The following ATF7IP variants were observed in gnomAD, a reference collection of about 807,000 sequenced individuals.
The protein encoded by ATF7IP is activating transcription factor 7 interacting protein, also known as activating transcription factor 7-interacting protein 1.
A neutral mutation model predicts 106.4 loss-of-function variants in ATF7IP; 23 were observed. The observed-to-expected ratio is 0.22, with a 90% CI of 0.16 to 0.31. The LOEUF (loss-of-function observed/expected upper bound fraction) is 0.31. ATF7IP is among the 10% of genes least tolerant of loss of function. ATF7IP has a pLI of 1.00. For missense variants in ATF7IP, 1,334 were observed against 1,524.3 expected (o/e 0.88, Z 2.08); for synonymous variants, 542 against 539.0 (o/e 1.01, Z -0.08).
intron 1 of ATF7IP, among the ~76,000 whole-genome samples, chr12:14,377,859 C>G (rs951661402): frequency 1.3e-5 from 2 of 151,166 alleles, no homozygotes; most frequent in African/African-American, 4.9e-5. Flanking sequence ...AGAGGATCAC[C>G]TCAGGTGATC....
chr12:14,447,012 C>T lies in ATF7IP; in HGVS notation c.1954C>T (p.Arg652Cys), dbSNP rs557269876. 4.0e-6 allele frequency: 6 copies of T among 1,511,260 alleles called. No homozygotes were observed. Among genetic ancestry groups the T allele is most frequent in the South Asian group, 1.3e-5 (1 of 78,654 alleles). The allele number at this position is 1,511,260 out of a possible 1,614,324, so 93.6% of individuals were successfully genotyped here. ...LQAKIARLTK[R>C]FEAAKEDLKK... ...GGCCAAGATAGCCAGGTTAACCAAA[C>T]GCTTTGAAGCAGCCAAAGAAGATCT... Residue 652 changes from arginine to cysteine, a missense_variant, in exon 6 of 15, where the codon CGC becomes TGC. Physicochemically the swap from Arg to Cys is radical, Grantham distance 180. This residue lies in a region of ATF7IP where 171 missense variants were observed against 172.6 expected (regional missense o/e 0.99). Coordinates refer to ENST00000261168, the MANE Select transcript of ATF7IP (RefSeq NM_018179.5).
chr12:14,484,121 C>T (rs190910976), intron 13 of ATF7IP, among the ~76,000 whole-genome samples: 4 of 152,232 alleles, frequency 2.6e-5, no homozygotes, highest in Admixed American at 6.5e-5. Flanking sequence ...CGAGGAATGG[C>T]GTGCTGTATC....
At chr12:14,410,344 A>C (rs1565488564) in intron 1 of ATF7IP, among the ~76,000 whole-genome samples, 1 of 152,146 alleles carries the variant, frequency 6.6e-6, no homozygotes, top group Non-Finnish European at 1.5e-5. Context: ...CCTACGTAGG[A>C]TATGAACCAT....
intron 2 of ATF7IP, among the ~76,000 whole-genome samples, chr12:14,430,785 T>C (rs1942078480): frequency 6.6e-6 from 1 of 152,220 alleles, no homozygotes; most frequent in Non-Finnish European, 1.5e-5. Context: ...TAAAGTTTTA[T>C]TTACATAAAC....
At chr12:14,440,968 T>C (rs7310929) in intron 5 of ATF7IP, among the ~76,000 whole-genome samples, 42,647 of 152,210 alleles carry the variant, frequency 0.28, 7,437 homozygotes, top group Admixed American at 0.44. Flanking sequence ...ACATTTTGCT[T>C]ATACGTTCAT....
chr12:14,402,419 T>C (rs1050585447), intron 1 of ATF7IP, among the ~76,000 whole-genome samples: 22 of 152,126 alleles, frequency 1.4e-4, no homozygotes, highest in Non-Finnish European at 2.8e-4. Context: ...TAAGCCACCA[T>C]GCCTGGCTAT....
chr12:14,435,827 A>T (rs1051381042), intron 3 of ATF7IP, among the ~76,000 whole-genome samples: 11 of 152,240 alleles, frequency 7.2e-5, no homozygotes, highest in Non-Finnish European at 1.3e-4. Flanking sequence ...TCTTCATGAC[A>T]CAATTGTGAG....
At chr12:14,419,944 A>C (rs1009511370) in intron 1 of ATF7IP, 1 of 152,260 alleles carries the variant, frequency 6.6e-6, no homozygotes, top group Non-Finnish European at 1.5e-5. Flanking sequence ...AATGTATCAC[A>C]GTCTAGAAAT....
Position 14,494,333 on chromosome 12 carries a change from A to ATGTGTGTG in ATF7IP, c.3281-1894_3281-1887dup, listed in dbSNP as rs1210425478. Reference sequence around the variant, plus strand: ...TATATATATATATATATATATATATATGTGTGTGTGTATATGTATATATAC... The same window carrying ATGTGTGTG: ...TATATATATATATATATATATATATATGTGTGTGTGTGTGTGTGTATATGTATATATAC... On this transcript the variant is annotated intron_variant, in intron 13 of 14. Coordinates refer to ENST00000261168, the MANE Select transcript of ATF7IP (RefSeq NM_018179.5). Among the ~76,000 whole-genome samples, 460 of 85,882 alleles carry ATGTGTGTG rather than the reference A, an allele frequency of 5.4e-3. 13 individuals are homozygous for ATGTGTGTG. The highest frequency in any genetic ancestry group is 0.015 in the African/African-American group (338 of 21,956). 56.3% of individuals were successfully genotyped at this position (85,882 alleles called of 152,430 possible).
Position 14,428,139 on chromosome 12 carries a change from T to TA in ATF7IP, c.1558+2677dup, listed in dbSNP as rs59596421. Among the ~76,000 whole-genome samples, 489 of 146,400 alleles carry TA rather than the reference T, an allele frequency of 3.3e-3. 2 individuals are homozygous for TA. Among genetic ancestry groups the TA allele is most frequent in the African/African-American group, 0.01 (408 of 40,150 alleles). On this transcript the variant is annotated intron_variant, in intron 2 of 14. Coordinates refer to ENST00000261168, the MANE Select transcript of ATF7IP (RefSeq NM_018179.5). Reference sequence around the variant, plus strand: ...CCATAAAAAAGCCTTATAAGTCCTTTAAAAAAAAAAAGTCTGTATAAGAAA... The same window carrying TA: ...CCATAAAAAAGCCTTATAAGTCCTTTAAAAAAAAAAAAGTCTGTATAAGAAA...
chr12:14,393,282 C>CAAT (rs1939670371), intron 1 of ATF7IP, among the ~76,000 whole-genome samples: 1 of 152,070 alleles, frequency 6.6e-6, no homozygotes, highest in Non-Finnish European at 1.5e-5. Context: ...CTTCTAGATT[C>CAAT]TGTTCTCAAT....
chr12:14,440,593 CTT>C (rs915984090), intron 5 of ATF7IP, among the ~76,000 whole-genome samples: 3 of 151,942 alleles, frequency 2.0e-5, no homozygotes, highest in African/African-American at 7.2e-5. Context: ...CTCTTTGTGT[CTT>C]GTTCCAGTAT....
chr12:14,384,222 A>G (rs1939117660), intron 1 of ATF7IP, among the ~76,000 whole-genome samples: 1 of 152,170 alleles, frequency 6.6e-6, no homozygotes, highest in Non-Finnish European at 1.5e-5. Context: ...AGTGATAGAT[A>G]GAACAAGATA....
rs564637046 is a variant in ATF7IP at position 14,424,870 on chromosome 12, A to G, written c.955A>G (p.Lys319Glu). 97 of 1,611,244 alleles carry G rather than the reference A, an allele frequency of 6.0e-5. No homozygotes were observed. In the South Asian group the frequency reaches 9.3e-4, roughly 15 times the overall value. The change falls in exon 2 of 15, where the codon AAA becomes GAA. Residue 319 changes from lysine (K) to glutamate (E), a missense_variant. By Grantham distance (56) the Lys-to-Glu change is moderately conservative. Transcript: ENST00000261168. ...CAATAAAGATGATGATTTTCTTGAA[A>G]AAAATGGAGCTGATGAAAAATTAGA... is the stretch of plus-strand genomic sequence containing the variant. ...SSNKDDDFLE[K>E]NGADEKLEQI... is the part of the protein sequence containing the mutation.
intron 1 of ATF7IP, chr12:14,385,479 GA>G: frequency 2.3e-6 from 3 of 1,325,400 alleles, no homozygotes; most frequent in South Asian, 2.7e-5. Context: ...AGTTTACTTA[GA>G]GGGGTGAACT....
At chr12:14,485,130 T>C (rs1401953701) in intron 13 of ATF7IP, among the ~76,000 whole-genome samples, 1 of 152,116 alleles carries the variant, frequency 6.6e-6, no homozygotes. Context: ...TTGAATCTGC[T>C]GGGTCCTATG....
intron 10 of ATF7IP, among the ~76,000 whole-genome samples, chr12:14,470,698 T>C (rs1944009031): frequency 6.6e-6 from 1 of 152,234 alleles, no homozygotes; most frequent in Non-Finnish European, 1.5e-5. Context: ...TGTTAATGCA[T>C]GTAAAGCATT....
intron 1 of ATF7IP, among the ~76,000 whole-genome samples, chr12:14,370,828 T>G (rs900840216): frequency 1.3e-5 from 2 of 152,004 alleles, no homozygotes; most frequent in African/African-American, 4.8e-5. Flanking sequence ...AAGTTAGACG[T>G]GGGAAAAATA....
chr12:14,494,333 A>ATATATATATATATATG (rs1234871100), intron 13 of ATF7IP, among the ~76,000 whole-genome samples: 4 of 86,010 alleles, frequency 4.7e-5, no homozygotes, highest in East Asian at 4.0e-4. Flanking sequence ...ATATATATAT[A>ATATATATATATATATG]TGTGTGTGTG....
Sources: allele counts gnomAD v4.1 joint callset (sites outside exome capture counted in the v4.1 genomes callset), GRCh38; gene constraint gnomAD v4.1.1; regional missense constraint gnomAD v4.1.1; transcripts MANE v1.5; gene names NCBI Gene and HGNC (gene_info 2026-07-23, HGNC 2026-07-21).